KIF1B: variants seen among roughly 807,000 people sequenced by gnomAD.
KIF1B encodes the protein kinesin family member 1B.
In KIF1B, 76 loss-of-function variants were observed where a neutral mutation model predicts 241.9. That is an observed-to-expected ratio of 0.31 (90% CI 0.26 to 0.38). KIF1B has a LOEUF of 0.38. KIF1B is among the 10% of genes least tolerant of loss of function. KIF1B has a pLI of 1.00. For missense variants in KIF1B, 1,622 were observed against 2,271.4 expected, an observed-to-expected ratio of 0.71 and a Z score of 5.81; for synonymous variants, 750 against 796.7, an observed-to-expected ratio of 0.94 and a Z score of 0.99.
At chr1:10,224,856 T>C (rs964920218) in intron 1 of KIF1B, among the ~76,000 whole-genome samples, 3 of 152,212 alleles carry the variant, frequency 2.0e-5, no homozygotes, top group Admixed American at 6.5e-5. Flanking sequence ...GTCCCCATTC[T>C]TTTTAGCCCC....
In KIF1B at chr1:10,326,012, C is replaced by G; in HGVS notation, c.2676-99C>G. ...TCCATTTGCTTTTATTGTGTTGATT[C>G]CCCAGTGGATTCTGTCCTGTTAGCA... On this transcript the variant is annotated intron_variant, in intron 26 of 48. Coordinates refer to ENST00000676179, the MANE Select transcript of KIF1B (RefSeq NM_001365951.3). This position sits in a 1 kb window ranked among gnomAD's most constrained non-coding sequence, Gnocchi z 5.2. 1 of 1,456,864 alleles carries G rather than the reference C, an allele frequency of 6.9e-7. No individual in the cohort carries two copies. The allele number at this position is 1,456,864 out of a possible 1,614,324, so 90.2% of individuals were successfully genotyped here.
intron 8 of KIF1B, 63 bp downstream of exon 8, chr1:10,271,642 A>T (rs34050384): frequency 1.9e-5 from 21 of 1,120,678 alleles, no homozygotes; most frequent in Non-Finnish European, 2.6e-5. Context: ...TTTGTAAATA[A>T]AATTTTATTG....
At chr1:10,212,915 T>TATATATATATATATAC (rs1557638393) in intron 1 of KIF1B, among the ~76,000 whole-genome samples, 7 of 121,672 alleles carry the variant, frequency 5.8e-5, no homozygotes, top group South Asian at 2.4e-4. Flanking sequence ...TATATATATA[T>TATATATATATATATAC]ATATATATAT....
rs760067826 is a variant in KIF1B, at chr1:10,268,234, G to A, written c.691G>A (p.Asp231Asn). The change falls in exon 7 of 49, where the codon GAT becomes AAT. Residue 231 changes from aspartate to asparagine, a missense_variant. By Grantham distance (23) the Asp-to-Asn change is conservative (BLOSUM62 1). Transcript: ENST00000676179. ...GATTGTTTTCACCCAGAAGAAACAC[G>A]ATAATGAGACCAACCTTTCCACTGA... ...FTIVFTQKKH[D>N]NETNLSTEKV... The A allele has an allele frequency of 8.7e-6, 14 of 1,612,720 alleles. No homozygotes were observed. The highest frequency in any genetic ancestry group is 1.1e-5 in the Non-Finnish European group (13 of 1,178,736).
At chr1:10,245,162 A>G (rs1212087956) in intron 2 of KIF1B, among the ~76,000 whole-genome samples, 1 of 152,198 alleles carries the variant, frequency 6.6e-6, no homozygotes, top group Non-Finnish European at 1.5e-5. Context: ...GCGTTTAAAT[A>G]CTAATCTTGT....
intron 2 of KIF1B, 84 bp downstream of exon 2, chr1:10,232,518 G>A: frequency 2.1e-6 from 2 of 955,846 alleles, no homozygotes; most frequent in South Asian, 1.4e-5. Context: ...CAGAATAGAT[G>A]AACATCTGTA....
intron 27 of KIF1B, among the ~76,000 whole-genome samples, chr1:10,327,676 A>G (rs1651775583): frequency 6.6e-6 from 1 of 152,158 alleles, no homozygotes; most frequent in Non-Finnish European, 1.5e-5. Context: ...GTTCATCTCC[A>G]GCCTTCATGC....
chr1:10,215,533 A>G (rs1346969665), intron 1 of KIF1B, among the ~76,000 whole-genome samples: 2 of 149,310 alleles, frequency 1.3e-5, no homozygotes, highest in Non-Finnish European at 3.0e-5. Context: ...CAACCATACT[A>G]CCCTCTACCA....
At chr1:10,261,992 C>T (rs754644445) in intron 5 of KIF1B, 22 bp downstream of exon 5, 3 of 1,533,104 alleles carry the variant, frequency 2.0e-6, no homozygotes, top group Middle Eastern at 1.7e-4. Flanking sequence ...CGTGAGTTGA[C>T]ACCGTAAGCC....
intron 5 of KIF1B, 23 bp downstream of exon 5, chr1:10,261,993 ACCGTAAGCC>A: frequency 6.5e-7 from 1 of 1,534,420 alleles, no homozygotes; most frequent in Non-Finnish European, 9.0e-7. Context: ...GTGAGTTGAC[ACCGTAAGCC>A]CTTGTTTTCC....
intron 22 of KIF1B, among the ~76,000 whole-genome samples, chr1:10,310,138 C>CT (rs1407268206): frequency 6.6e-6 from 1 of 151,708 alleles, no homozygotes; most frequent in Non-Finnish European, 1.5e-5. Flanking sequence ...AATGCCGTAT[C>CT]TGTCTTATTC....
At chr1:10,334,123 C>T (rs1156634293) in intron 27 of KIF1B, among the ~76,000 whole-genome samples, 2 of 136,778 alleles carry the variant, frequency 1.5e-5, no homozygotes, top group African/African-American at 5.6e-5. Flanking sequence ...TGTACTACAG[C>T]CTGGCGACAG....
chr1:10,286,377 C>T (rs932989357), intron 15 of KIF1B, among the ~76,000 whole-genome samples: 2 of 152,188 alleles, frequency 1.3e-5, no homozygotes, highest in African/African-American at 4.8e-5. Flanking sequence ...CAGCTGTAGC[C>T]ACAGCTCTCG....
chr1:10,238,360 G>A (rs552618848), intron 2 of KIF1B, among the ~76,000 whole-genome samples: 100 of 118,818 alleles, frequency 8.4e-4, no homozygotes, highest in African/African-American at 3.4e-3. Flanking sequence ...CATCCTGGGC[G>A]ACAAGAGCAA....
At chr1:10,324,381 A>G (rs17401924) in intron 25 of KIF1B, among the ~76,000 whole-genome samples, 36,609 of 152,110 alleles carry the variant, frequency 0.24, 5,129 homozygotes, top group Admixed American at 0.31. Context: ...CCTGGACCTC[A>G]GGATAATCAA....
At chr1:10,251,345 T>TTA (rs1491087811) in intron 2 of KIF1B, among the ~76,000 whole-genome samples, 2 of 147,540 alleles carry the variant, frequency 1.4e-5, no homozygotes, top group African/African-American at 4.9e-5. Flanking sequence ...TTTTTTTTTT[T>TTA]TACTAAGGAA....
chr1:10,230,096 G>A (rs1646961377), intron 1 of KIF1B, among the ~76,000 whole-genome samples: 1 of 152,022 alleles, frequency 6.6e-6, no homozygotes, highest in Admixed American at 6.6e-5. Flanking sequence ...GATCACTTGA[G>A]CCCAGGAGTT....
intron 23 of KIF1B, among the ~76,000 whole-genome samples, chr1:10,320,444 A>G (rs1211943183): frequency 1.3e-5 from 2 of 152,152 alleles, no homozygotes; most frequent in East Asian, 3.8e-4. Context: ...TGACTTTTAG[A>G]TATCCATTAC....
intron 41 of KIF1B, among the ~76,000 whole-genome samples, chr1:10,363,914 G>T (rs1638493367): frequency 6.6e-6 from 1 of 152,156 alleles, no homozygotes; most frequent in South Asian, 2.1e-4. Context: ...TGGAAAACAA[G>T]TCAGGGCCCA....
Sources: gnomAD v4.1 joint callset for allele counts (sites outside exome capture counted in the v4.1 genomes callset) on GRCh38, gnomAD v4.1.1 for gene constraint, Gnocchi (gnomAD v3.1) non-coding constraint, MANE v1.5 for transcripts, NCBI Gene and HGNC (gene_info 2026-07-23, HGNC 2026-07-21) for gene names.